Variants in MED12L observed in about 807,000 individuals in gnomAD.
MED12L encodes the protein mediator of RNA polymerase II transcription subunit 12-like protein.
A neutral mutation model predicts 281.3 loss-of-function variants in MED12L; 60 were observed. The ratio of observed to expected loss-of-function variants is 0.21; its 90% confidence interval spans 0.17 to 0.26. MED12L has a LOEUF of 0.26. MED12L is among the 10% of genes least tolerant of loss of function. The pLI, the probability that MED12L is intolerant of heterozygous loss-of-function variation, is 1.00. For missense variants in MED12L, 2,146 were observed against 2,680.9 expected (o/e 0.80, Z 4.41); for synonymous variants, 974 against 987.2 (o/e 0.99, Z 0.25).
chr3:151,320,443 C>T (rs765812194), intron 16 of MED12L, among the ~76,000 whole-genome samples: 3 of 152,168 alleles, frequency 2.0e-5, no homozygotes, highest in African/African-American at 7.2e-5. Context: ...CATCTCTGTA[C>T]ACAAGTCTTT....
intron 16 of MED12L, among the ~76,000 whole-genome samples, chr3:151,241,363 T>C (rs1376636880): frequency 6.6e-6 from 1 of 152,248 alleles, no homozygotes; most frequent in Non-Finnish European, 1.5e-5. Context: ...GCCTAGATTT[T>C]ATTGTAGTTT....
At chr3:151,396,534 G>A (rs1156557510) in intron 39 of MED12L, among the ~76,000 whole-genome samples, 2 of 152,182 alleles carry the variant, frequency 1.3e-5, no homozygotes, top group African/African-American at 4.8e-5. Flanking sequence ...GCTGAGGCAG[G>A]AGAATTACTT....
chr3:151,334,196 C>CTTTTTTTTTTTTTTTT (rs71138494), intron 16 of MED12L, among the ~76,000 whole-genome samples: 6 of 118,210 alleles, frequency 5.1e-5, no homozygotes, highest in Admixed American at 9.8e-5. Flanking sequence ...TTCTTTCTTT[C>CTTTTTTTTTTTTTTTT]TTTTTTTTTT....
At chr3:151,323,504 G>T (rs534492062) in intron 16 of MED12L, among the ~76,000 whole-genome samples, 1 of 152,186 alleles carries the variant, frequency 6.6e-6, no homozygotes, top group East Asian at 1.9e-4. Flanking sequence ...CAACCCTCAC[G>T]CTCCAACCAC....
intron 21 of MED12L, among the ~76,000 whole-genome samples, chr3:151,363,591 A>G (rs1309460266): frequency 6.6e-6 from 1 of 152,200 alleles, no homozygotes; most frequent in Non-Finnish European, 1.5e-5. Flanking sequence ...GCAAACTTGT[A>G]TCCTTCAATG....
At chr3:151,368,675 ATGTC>A (rs1755707397) in intron 25 of MED12L, among the ~76,000 whole-genome samples, 1 of 67,546 alleles carries the variant, frequency 1.5e-5, no homozygotes, top group Non-Finnish European at 2.9e-5. Flanking sequence ...ATTTCATTTC[ATGTC>A]ATTTCATTTT....
At chr3:151,258,884 A>T (rs1228035938) in intron 16 of MED12L, among the ~76,000 whole-genome samples, 1 of 147,760 alleles carries the variant, frequency 6.8e-6, no homozygotes, top group African/African-American at 2.5e-5. Flanking sequence ...GTCCTTCCCT[A>T]CTCTAAGGTA....
chr3:151,183,686 GTTC>G (rs759443978), intron 11 of MED12L, among the ~76,000 whole-genome samples: 1 of 152,222 alleles, frequency 6.6e-6, no homozygotes, highest in African/African-American at 2.4e-5. Flanking sequence ...ATCACATACA[GTTC>G]TTCTATATGT....
At chr3:151,098,311 T>C (rs1720979791) in intron 2 of MED12L, among the ~76,000 whole-genome samples, 1 of 152,224 alleles carries the variant, frequency 6.6e-6, no homozygotes, top group African/African-American at 2.4e-5. Flanking sequence ...AGGTGGTCCC[T>C]GACATTCAGA....
chr3:151,161,689 A>G (rs1720009401), intron 8 of MED12L, among the ~76,000 whole-genome samples: 1 of 152,238 alleles, frequency 6.6e-6, no homozygotes, highest in Admixed American at 6.5e-5. Context: ...GATGGGAACC[A>G]TTATTATTCT....
chr3:151,121,990 A>C (rs1244806606), intron 3 of MED12L, among the ~76,000 whole-genome samples: 1 of 152,176 alleles, frequency 6.6e-6, no homozygotes, highest in Non-Finnish European at 1.5e-5. Context: ...CCGTGATTAC[A>C]GGCGTGAGCC....
intron 5 of MED12L, among the ~76,000 whole-genome samples, chr3:151,133,605 A>G (rs112153520): frequency 6.7e-6 from 1 of 149,508 alleles, no homozygotes; most frequent in Non-Finnish European, 1.5e-5. Flanking sequence ...TGAGACCTGA[A>G]AAAAAAAAAA....
intron 16 of MED12L, chr3:151,327,471 G>T (rs1192808832): frequency 1.3e-5 from 2 of 152,112 alleles, no homozygotes; most frequent in East Asian, 3.9e-4. Context: ...GGATTTCAGA[G>T]GTCTTGCTGA....
At chr3:151,313,920 C>T (rs946599640) in intron 16 of MED12L, among the ~76,000 whole-genome samples, 2 of 109,848 alleles carry the variant, frequency 1.8e-5, no homozygotes, top group Non-Finnish European at 4.1e-5. Context: ...GAGACTCCGT[C>T]TCAAAAAAAA....
intron 2 of MED12L, among the ~76,000 whole-genome samples, chr3:151,095,033 T>G (rs1461668435): frequency 6.6e-6 from 1 of 152,218 alleles, no homozygotes; most frequent in Non-Finnish European, 1.5e-5. Context: ...GCTCCACGAC[T>G]TGAACAGTGC....
At chr3:151,141,527 G>A (rs908801717) in intron 5 of MED12L, among the ~76,000 whole-genome samples, 1 of 152,118 alleles carries the variant, frequency 6.6e-6, no homozygotes, top group African/African-American at 2.4e-5. Flanking sequence ...CTAAAACGGA[G>A]CATAATACAT....
intron 28 of MED12L, 57 bp downstream of exon 28, chr3:151,376,271 AAG>A: frequency 1.6e-6 from 2 of 1,265,830 alleles, no homozygotes; most frequent in Non-Finnish European, 2.1e-6. Flanking sequence ...TAATAATAAA[AAG>A]AGTTACTTCC....
intron 44 of MED12L, among the ~76,000 whole-genome samples, chr3:151,430,599 AAG>A (rs1170794045): frequency 6.7e-6 from 1 of 150,236 alleles, no homozygotes; most frequent in Non-Finnish European, 1.5e-5. Flanking sequence ...AAATTCAGTG[AAG>A]ATACTTTCTT....
intron 16 of MED12L, chr3:151,300,179 G>A: frequency 1.1e-6 from 1 of 925,182 alleles, no homozygotes; most frequent in Non-Finnish European, 1.8e-6. Flanking sequence ...GTTCAGCATA[G>A]GTTATTCCTG....
Sources: gnomAD v4.1 joint callset for allele counts (sites outside exome capture counted in the v4.1 genomes callset) on GRCh38, gnomAD v4.1.1 for gene constraint, MANE v1.5 for transcripts, NCBI Gene and HGNC (gene_info 2026-07-23, HGNC 2026-07-21) for gene names.